CSGALNACT1: variants seen among roughly 807,000 people sequenced by gnomAD.
CSGALNACT1 encodes the protein beta4GalNAcT-1.
Under a neutral mutation model 51.0 loss-of-function variants are expected in CSGALNACT1, and 52 were observed. The observed-to-expected ratio is 1.02, with a 90% CI of 0.82 to 1.29. The LOEUF (loss-of-function observed/expected upper bound fraction) is 1.29, where lower values mean the gene tolerates loss of function less well. Ranked by LOEUF, CSGALNACT1 falls within the 50% of genes most tolerant of loss-of-function variation. The pLI is 0.00. For missense variants in CSGALNACT1, 935 were observed against 679.2 expected (o/e 1.38, Z -4.19); for synonymous variants, 341 against 254.4 (o/e 1.34, Z -3.24).
intron 8 of CSGALNACT1, among the ~76,000 whole-genome samples, chr8:19,413,423 C>T (rs181753919): frequency 1.3e-5 from 2 of 152,270 alleles, no homozygotes; most frequent in Non-Finnish European, 2.9e-5. Flanking sequence ...AGCACCTCTT[C>T]CCCTTATTGA....
intron 1 of CSGALNACT1, among the ~76,000 whole-genome samples, chr8:19,670,616 C>A (rs1359160723): frequency 7.6e-6 from 1 of 131,958 alleles, no homozygotes; most frequent in Non-Finnish European, 1.5e-5. Flanking sequence ...TGATATCAAC[C>A]CTCAGACCAG....
Position 19,463,156 on chromosome 8 carries a change from C to T in CSGALNACT1, c.635-4514G>A, listed in dbSNP as rs4545122. Among the ~76,000 whole-genome samples the T allele has an allele frequency of 8.1e-3, 367 of 45,430 alleles. 5 individuals are homozygous for T. The East Asian group carries it at 0.41, about 51-fold the overall frequency. 29.8% of individuals were successfully genotyped at this position (45,430 alleles called of 152,430 possible). On this transcript the variant is annotated intron_variant, in intron 4 of 9. Transcript: ENST00000454498. ...TTACTCCAAAGAACATGATTTCATT[C>T]TTTTTTTCATGGCTGTGTAGTACTC...
At chr8:19,535,355 A>G (rs1171691744) in intron 3 of CSGALNACT1, among the ~76,000 whole-genome samples, 1 of 152,186 alleles carries the variant, frequency 6.6e-6, no homozygotes, top group East Asian at 1.9e-4. Context: ...ACGGCTCAAG[A>G]TAACTTAGCC....
At chr8:19,404,910 A>G (rs138952542) in exon 10 of CSGALNACT1, 24 of 454,336 alleles carry the variant, frequency 5.3e-5, no homozygotes, top group Middle Eastern at 1.4e-3. Context: ...GTACGTCTGT[A>G]TTAGTACAAA....
chr8:19,646,752 T>C (rs2057314857), intron 1 of CSGALNACT1, among the ~76,000 whole-genome samples: 1 of 152,074 alleles, frequency 6.6e-6, no homozygotes, highest in South Asian at 2.1e-4. Flanking sequence ...CCTATTACAG[T>C]TAACAATTGA....
chr8:19,737,917 G>A (rs952276861), intron 1 of CSGALNACT1, among the ~76,000 whole-genome samples: 2 of 152,210 alleles, frequency 1.3e-5, no homozygotes, highest in African/African-American at 4.8e-5. Flanking sequence ...ATTGTTTAAT[G>A]GATACAGAGT....
At chr8:19,667,083 GAAAGA>G (rs2059433942) in intron 1 of CSGALNACT1, among the ~76,000 whole-genome samples, 1 of 125,604 alleles carries the variant, frequency 8.0e-6, no homozygotes, top group Non-Finnish European at 1.7e-5. Flanking sequence ...AAGAAAGAAA[GAAAGA>G]AAGAAAGAAA....
intron 3 of CSGALNACT1, chr8:19,532,087 C>G (rs1434973564): frequency 1.3e-5 from 2 of 152,132 alleles, no homozygotes; most frequent in East Asian, 3.9e-4. Flanking sequence ...AAATTCTAGG[C>G]TCTGTTGGTC....
intron 1 of CSGALNACT1, among the ~76,000 whole-genome samples, chr8:19,637,844 T>G (rs1263863938): frequency 6.6e-6 from 1 of 151,664 alleles, no homozygotes; most frequent in Non-Finnish European, 1.5e-5. Context: ...GACCAGTTTT[T>G]TTTTTTTTTT....
At chr8:19,714,509 A>G (rs191939425) in intron 1 of CSGALNACT1, among the ~76,000 whole-genome samples, 181 of 151,994 alleles carry the variant, frequency 1.2e-3, no homozygotes, top group Non-Finnish European at 1.5e-3. Context: ...TATATGTTAG[A>G]CTGATTTTAC....
chr8:19,692,535 G>A (rs944807696), intron 1 of CSGALNACT1, among the ~76,000 whole-genome samples: 1 of 152,210 alleles, frequency 6.6e-6, no homozygotes, highest in African/African-American at 2.4e-5. Context: ...TTTATCGAGT[G>A]ACAGGAAGTG....
intron 1 of CSGALNACT1, among the ~76,000 whole-genome samples, chr8:19,752,869 G>T (rs2065127269): frequency 1.3e-5 from 2 of 152,202 alleles, no homozygotes; most frequent in Admixed American, 6.5e-5. Context: ...TAAGTCATAG[G>T]TTCAAAACAT....
chr8:19,600,383 T>C (rs1588926776), intron 2 of CSGALNACT1, among the ~76,000 whole-genome samples: 1 of 152,154 alleles, frequency 6.6e-6, no homozygotes, highest in African/African-American at 2.4e-5. Context: ...CCCAGCCTAC[T>C]TCTCTATTTT....
At chr8:19,492,775 G>A (rs889258404) in intron 4 of CSGALNACT1, among the ~76,000 whole-genome samples, 6 of 152,248 alleles carry the variant, frequency 3.9e-5, no homozygotes, top group Middle Eastern at 3.4e-3. Flanking sequence ...TACTGATATC[G>A]TATTTAAAAC....
intron 9 of CSGALNACT1, 34 bp from the exon 9 acceptor site, chr8:19,406,103 G>A: frequency 6.2e-7 from 1 of 1,612,900 alleles, no homozygotes; most frequent in Non-Finnish European, 8.5e-7. Flanking sequence ...GAATCACACT[G>A]CACTGATCTG....
intron 4 of CSGALNACT1, among the ~76,000 whole-genome samples, chr8:19,477,885 G>C (rs537001101): frequency 6.6e-6 from 1 of 152,272 alleles, no homozygotes; most frequent in South Asian, 2.1e-4. Context: ...AAAGACTTCG[G>C]TTCCTCCCAT....
chr8:19,463,967 C>T (rs2066112521), intron 4 of CSGALNACT1, among the ~76,000 whole-genome samples: 1 of 152,158 alleles, frequency 6.6e-6, no homozygotes, highest in South Asian at 2.1e-4. Flanking sequence ...CTCTCTGTGC[C>T]CTGTCTTCAA....
At chr8:19,726,495 T>C (rs566379080) in intron 1 of CSGALNACT1, among the ~76,000 whole-genome samples, 2 of 152,228 alleles carry the variant, frequency 1.3e-5, no homozygotes, top group Admixed American at 1.3e-4. Flanking sequence ...GAGTACAACA[T>C]GATGTTTTGA....
At chr8:19,674,839 A>G (rs2060057142) in intron 1 of CSGALNACT1, among the ~76,000 whole-genome samples, 1 of 152,060 alleles carries the variant, frequency 6.6e-6, no homozygotes, top group South Asian at 2.1e-4. Flanking sequence ...TTGAAAAAAA[A>G]AATCATAAGT....
Sources: gnomAD v4.1 joint callset for allele counts (sites outside exome capture counted in the v4.1 genomes callset) on GRCh38, gnomAD v4.1.1 for gene constraint, MANE v1.5 for transcripts, NCBI Gene and HGNC (gene_info 2026-07-23, HGNC 2026-07-21) for gene names.